DLEU7: variants seen among roughly 807,000 people sequenced by gnomAD.
The protein encoded by DLEU7 is deleted in lymphocytic leukemia 7.
In DLEU7, 17 loss-of-function variants were observed where a neutral mutation model predicts 16.0. That is an observed-to-expected ratio of 1.06 (90% CI 0.73 to 1.59). The LOEUF (loss-of-function observed/expected upper bound fraction) is 1.59. Ranked by LOEUF, DLEU7 falls within the 40% of genes most tolerant of loss-of-function variation. The pLI is 0.00. For synonymous variants in DLEU7, 113 were observed against 139.8 expected (o/e 0.81, Z 1.35); for missense variants, 308 against 314.9 (o/e 0.98, Z 0.17).
At chr13:50,763,994 G>C (rs7990412) in intron 1 of DLEU7, among the ~76,000 whole-genome samples, 6,727 of 152,300 alleles carry the variant, frequency 0.044, 442 homozygotes, top group African/African-American at 0.15. Flanking sequence ...TATTAAAGAA[G>C]AGACAGGCGG....
At chr13:50,803,227 C>T (rs149251156) in intron 1 of DLEU7, among the ~76,000 whole-genome samples, 2 of 152,272 alleles carry the variant, frequency 1.3e-5, no homozygotes, top group African/African-American at 2.4e-5. Flanking sequence ...CTTTAACCAT[C>T]AGTGTGTGAA....
chr13:50,724,320 T>G (rs1798652423), intron 1 of DLEU7, among the ~76,000 whole-genome samples: 2 of 152,174 alleles, frequency 1.3e-5, no homozygotes, highest in South Asian at 4.1e-4. Flanking sequence ...TTAACTTATA[T>G]TATAAAATTA....
At chr13:50,730,068 G>A (rs574737188) in intron 1 of DLEU7, among the ~76,000 whole-genome samples, 43 of 152,084 alleles carry the variant, frequency 2.8e-4, no homozygotes, top group Admixed American at 1.8e-3. Flanking sequence ...AATCATAAGC[G>A]AAAATATATT....
chr13:50,764,841 A>G (rs1366481191), intron 1 of DLEU7, among the ~76,000 whole-genome samples: 2 of 152,156 alleles, frequency 1.3e-5, no homozygotes, highest in East Asian at 1.9e-4. Context: ...AGAATGAAGT[A>G]TATTAAATGG....
intron 1 of DLEU7, among the ~76,000 whole-genome samples, chr13:50,812,261 G>A (rs1876592793): frequency 6.6e-6 from 1 of 152,130 alleles, no homozygotes; most frequent in Non-Finnish European, 1.5e-5. Flanking sequence ...AGAAGGGGCT[G>A]CAGGAGTGGA....
intron 1 of DLEU7, among the ~76,000 whole-genome samples, chr13:50,777,042 T>A (rs746245110): frequency 5.9e-5 from 9 of 152,174 alleles, no homozygotes; most frequent in Non-Finnish European, 1.0e-4. Flanking sequence ...TGGAACTTAG[T>A]AGTGGCTTCC....
chr13:50,790,652 G>C (rs531901898), intron 1 of DLEU7, among the ~76,000 whole-genome samples: 1 of 152,044 alleles, frequency 6.6e-6, no homozygotes, highest in African/African-American at 2.4e-5. Flanking sequence ...TGTGGGATGC[G>C]AGGGGTGTGG....
At chr13:50,838,692 T>C (rs940045043) in intron 1 of DLEU7, among the ~76,000 whole-genome samples, 6 of 152,222 alleles carry the variant, frequency 3.9e-5, no homozygotes, top group Non-Finnish European at 7.3e-5. Flanking sequence ...CTAAATTGTG[T>C]GGTCCCCTCA....
chr13:50,843,906 G>T, upstream of DLEU7: 1 of 479,278 alleles, frequency 2.1e-6, no homozygotes. This position sits in a 1 kb window ranked among gnomAD's most constrained non-coding sequence, Gnocchi z 5.7. Context: ...GAAAATCAGC[G>T]AAATGCTGAG....
intron 1 of DLEU7, among the ~76,000 whole-genome samples, chr13:50,773,402 G>C (rs780832546): frequency 1.3e-5 from 2 of 152,132 alleles, no homozygotes; most frequent in Non-Finnish European, 2.9e-5. Flanking sequence ...CCATCTTTGT[G>C]GTTTTATCTA....
At chr13:50,712,133 T>C (rs531797633) in exon 2 of DLEU7, 4 of 152,304 alleles carry the variant, frequency 2.6e-5, no homozygotes, top group African/African-American at 9.6e-5. Context: ...AGCCACTGAC[T>C]TTGACTTTCA....
At chr13:50,830,172 TG>T (rs1176788149) in intron 1 of DLEU7, among the ~76,000 whole-genome samples, 1 of 152,260 alleles carries the variant, frequency 6.6e-6, no homozygotes, top group African/African-American at 2.4e-5. Context: ...TTTCAGACTC[TG>T]GATATGAAAT....
chr13:50,725,098 C>CCCCCGT (rs1262952957), intron 1 of DLEU7, among the ~76,000 whole-genome samples: 3 of 152,054 alleles, frequency 2.0e-5, no homozygotes, highest in East Asian at 1.9e-4. Context: ...ATGCCCAGCT[C>CCCCCGT]CCCCGTTCAC....
chr13:50,822,586 C>T, downstream of DLEU7: 1 of 970,598 alleles, frequency 1.0e-6, no homozygotes, highest in Non-Finnish European at 1.2e-6. Flanking sequence ...TAAAGAATTT[C>T]CTACTTCAAT....
intron 1 of DLEU7, among the ~76,000 whole-genome samples, chr13:50,747,371 T>TGTGTGTGAGAGA (rs547782037): frequency 9.1e-5 from 6 of 66,022 alleles, no homozygotes; most frequent in Admixed American, 1.6e-4. Flanking sequence ...TGTGTGTGTG[T>TGTGTGTGAGAGA]GACAGAGAGG....
At chr13:50,742,090 A>T (rs1378835376) in intron 1 of DLEU7, among the ~76,000 whole-genome samples, 2 of 152,116 alleles carry the variant, frequency 1.3e-5, no homozygotes, top group Non-Finnish European at 2.9e-5. Context: ...TATTCAAAAA[A>T]TTTTTCTAAT....
At chr13:50,753,085 G>A (rs1304424441) in intron 1 of DLEU7, among the ~76,000 whole-genome samples, 9 of 146,684 alleles carry the variant, frequency 6.1e-5, no homozygotes, top group African/African-American at 1.3e-4. Context: ...ACAGAGTGTC[G>A]ATTGGTGCAT....
chr13:50,722,569 T>C (rs1873652888), intron 1 of DLEU7, among the ~76,000 whole-genome samples: 1 of 152,244 alleles, frequency 6.6e-6, no homozygotes, highest in Admixed American at 6.5e-5. Context: ...GAATACGCTA[T>C]TGCAGAGTGG....
chr13:50,790,428 G>A (rs1875922134), intron 1 of DLEU7, among the ~76,000 whole-genome samples: 1 of 151,932 alleles, frequency 6.6e-6, no homozygotes, highest in East Asian at 1.9e-4. Flanking sequence ...TGCCCTCTCA[G>A]GCCCGCAAGG....
Sources: gnomAD v4.1 joint callset for allele counts (sites outside exome capture counted in the v4.1 genomes callset) on GRCh38, gnomAD v4.1.1 for gene constraint, Gnocchi (gnomAD v3.1) non-coding constraint, MANE v1.5 for transcripts, NCBI Gene and HGNC (gene_info 2026-07-23, HGNC 2026-07-21) for gene names.